CSGALNACT1: variants seen among roughly 807,000 people sequenced by gnomAD.
CSGALNACT1 encodes the protein beta4GalNAcT-1.
Under a neutral mutation model 51.0 loss-of-function variants are expected in CSGALNACT1, and 52 were observed. That is an observed-to-expected ratio of 1.02 (90% confidence interval 0.82 to 1.29). CSGALNACT1 has a LOEUF of 1.29. Ranked by LOEUF, CSGALNACT1 falls within the 50% of genes most tolerant of loss-of-function variation. The pLI is 0.00. For missense variants in CSGALNACT1, 935 were observed against 679.2 expected (o/e 1.38, Z -4.19); for synonymous variants, 341 against 254.4 (o/e 1.34, Z -3.24).
At chr8:19,617,952 T>A (rs978040187) in intron 1 of CSGALNACT1, among the ~76,000 whole-genome samples, 2 of 152,050 alleles carry the variant, frequency 1.3e-5, no homozygotes, top group African/African-American at 2.4e-5. Flanking sequence ...TGATCATAGT[T>A]CACTGCACCC....
At chr8:19,623,560 A>G (rs1461812446) in intron 1 of CSGALNACT1, among the ~76,000 whole-genome samples, 2 of 152,248 alleles carry the variant, frequency 1.3e-5, no homozygotes, top group Non-Finnish European at 2.9e-5. Flanking sequence ...AGTAAATAGA[A>G]TGTTTACAAC....
At chr8:19,748,563 G>A (rs1053700326) in intron 1 of CSGALNACT1, among the ~76,000 whole-genome samples, 1 of 152,102 alleles carries the variant, frequency 6.6e-6, no homozygotes, top group African/African-American at 2.4e-5. Flanking sequence ...ATATATTAAG[G>A]ATTTACCATG....
chr8:19,672,444 G>C (rs1009934379), intron 1 of CSGALNACT1, among the ~76,000 whole-genome samples: 1 of 152,206 alleles, frequency 6.6e-6, no homozygotes, highest in Non-Finnish European at 1.5e-5. Flanking sequence ...TAAGGAGTGA[G>C]TCATATCTCA....
intron 6 of CSGALNACT1, among the ~76,000 whole-genome samples, chr8:19,425,372 C>T (rs1467998728): frequency 3.9e-5 from 6 of 152,180 alleles, no homozygotes; most frequent in Non-Finnish European, 8.8e-5. Flanking sequence ...AACCATTTTC[C>T]TGCTGTTCAC....
At chr8:19,657,508 A>G (rs918840711) in intron 1 of CSGALNACT1, among the ~76,000 whole-genome samples, 1 of 152,238 alleles carries the variant, frequency 6.6e-6, no homozygotes. Flanking sequence ...ACAGAACACC[A>G]AAGACAAATA....
chr8:19,730,339 A>C (rs933242672), intron 1 of CSGALNACT1, among the ~76,000 whole-genome samples: 2 of 152,150 alleles, frequency 1.3e-5, no homozygotes, highest in Non-Finnish European at 2.9e-5. Context: ...TGGGATTTGA[A>C]AATGCGGCCA....
At chr8:19,414,387 G>A (rs1375153828) in intron 8 of CSGALNACT1, among the ~76,000 whole-genome samples, 1 of 152,174 alleles carries the variant, frequency 6.6e-6, no homozygotes, top group Non-Finnish European at 1.5e-5. Context: ...AACCAGGAAT[G>A]TGAAACGTCT....
chr8:19,721,675 T>C lies in CSGALNACT1; in HGVS notation c.-297+36175A>G, dbSNP rs1355675273. Among the ~76,000 whole-genome samples the C allele has an allele frequency of 3.9e-5, 6 of 152,190 alleles. No individual in the cohort carries two copies. The East Asian group carries it at 1.2e-3, about 29-fold the overall frequency. On this transcript the variant is annotated intron_variant, in intron 1 of 1. Coordinates refer to the CSGALNACT1 transcript ENST00000517494. The stretch of plus-strand genomic sequence containing the variant: ...ACAGAATTCTGTCTGTCATGGAAAA[T>C]GTTAAATTTGAAAAGACCGCCAAAG...
At chr8:19,526,268 T>G (rs1015791013) in intron 3 of CSGALNACT1, among the ~76,000 whole-genome samples, 2 of 152,166 alleles carry the variant, frequency 1.3e-5, no homozygotes, top group Non-Finnish European at 2.9e-5. Flanking sequence ...CAGCTATTAC[T>G]CAAGGGCCCT....
intron 6 of CSGALNACT1, among the ~76,000 whole-genome samples, chr8:19,422,370 T>C (rs900012494): frequency 1.3e-5 from 2 of 152,088 alleles, no homozygotes; most frequent in Non-Finnish European, 2.9e-5. Context: ...TTCTTAAAAA[T>C]TTTTTATAGA....
chr8:19,571,730 T>C (rs11984504), intron 3 of CSGALNACT1, among the ~76,000 whole-genome samples: 2,569 of 152,346 alleles, frequency 0.017, 79 homozygotes, highest in African/African-American at 0.059. Context: ...TGGCCTCAGC[T>C]ATTTCAGCCA....
At chr8:19,463,536 T>C (rs1378433001) in intron 4 of CSGALNACT1, among the ~76,000 whole-genome samples, 1 of 152,152 alleles carries the variant, frequency 6.6e-6, no homozygotes, top group Non-Finnish European at 1.5e-5. Flanking sequence ...GAAGGGAAAG[T>C]ATTCCAAGGC....
chr8:19,655,777 T>C (rs2058219039), intron 1 of CSGALNACT1, among the ~76,000 whole-genome samples: 1 of 152,270 alleles, frequency 6.6e-6, no homozygotes, highest in Middle Eastern at 3.4e-3. Flanking sequence ...TTTTCACTTA[T>C]TGTACAAAAA....
chr8:19,637,088 C>G (rs1018410218), intron 1 of CSGALNACT1, among the ~76,000 whole-genome samples: 1 of 152,076 alleles, frequency 6.6e-6, no homozygotes, highest in Non-Finnish European at 1.5e-5. Context: ...TAATCCCTCA[C>G]TTTACTACTC....
exon 7 of CSGALNACT1, chr8:19,420,465 C>G: frequency 1.2e-6 from 2 of 1,614,172 alleles, no homozygotes; most frequent in Non-Finnish European, 1.7e-6. Flanking sequence ...TCCCTTTCCC[C>G]GAGAAAATTC....
At chr8:19,640,958 A>G in intron 1 of CSGALNACT1, among the ~76,000 whole-genome samples, 1 of 152,064 alleles carries the variant, frequency 6.6e-6, no homozygotes, top group East Asian at 1.9e-4. Flanking sequence ...AGAGGAATGA[A>G]ACCATAGAGA....
At chr8:19,710,311 T>A (rs1354616741) in intron 1 of CSGALNACT1, among the ~76,000 whole-genome samples, 2 of 151,922 alleles carry the variant, frequency 1.3e-5, no homozygotes, top group Non-Finnish European at 2.9e-5. Context: ...CAGCTGAGAG[T>A]CAGTTCAGCA....
At chr8:19,531,135 T>A (rs983204011) in intron 3 of CSGALNACT1, among the ~76,000 whole-genome samples, 1 of 152,234 alleles carries the variant, frequency 6.6e-6, no homozygotes, top group Non-Finnish European at 1.5e-5. Context: ...TCCAGGGAGC[T>A]TGAAACTCTT....
chr8:19,502,345 G>A (rs758342510), intron 4 of CSGALNACT1, among the ~76,000 whole-genome samples: 22 of 152,192 alleles, frequency 1.4e-4, no homozygotes, highest in Admixed American at 2.6e-4. Flanking sequence ...CTTGTTGGTG[G>A]ATTAGGAAAC....
Sources: gnomAD v4.1 joint callset for allele counts (sites outside exome capture counted in the v4.1 genomes callset) on GRCh38, gnomAD v4.1.1 for gene constraint, MANE v1.5 for transcripts, NCBI Gene and HGNC (gene_info 2026-07-23, HGNC 2026-07-21) for gene names.